Variants in LRRC7 observed in about 807,000 individuals in gnomAD.
LRRC7 encodes the protein leucine rich repeat containing 7, also known as leucine-rich repeat-containing protein 7.
Under a neutral mutation model 175.7 loss-of-function variants are expected in LRRC7, and 23 were observed. The observed-to-expected ratio is 0.13, with a 90% CI of 0.09 to 0.19. LRRC7 has a LOEUF of 0.19. Ranked by LOEUF, LRRC7 falls within the 10% of genes least tolerant of loss-of-function variation. The pLI is 1.00. For missense variants in LRRC7, 1,354 were observed against 1,904.7 expected, an observed-to-expected ratio of 0.71 and a Z score of 5.38; for synonymous variants, 685 against 680.9, an observed-to-expected ratio of 1.01 and a Z score of -0.09.
chr1:70,056,675 G>C (rs938472478), intron 23 of LRRC7, among the ~76,000 whole-genome samples: 1 of 152,106 alleles, frequency 6.6e-6, no homozygotes, highest in South Asian at 2.1e-4. Context: ...CTTTCAACAA[G>C]CCTCATCTTA....
At chr1:69,742,161 T>A (rs182813309) in intron 2 of LRRC7, among the ~76,000 whole-genome samples, 223 of 152,142 alleles carry the variant, frequency 1.5e-3, no homozygotes, top group African/African-American at 4.6e-3. Flanking sequence ...AGTGAGTACA[T>A]GAAATAATTG....
At chr1:70,002,587 T>C (rs1376573295) in intron 11 of LRRC7, among the ~76,000 whole-genome samples, 1 of 152,182 alleles carries the variant, frequency 6.6e-6, no homozygotes, top group Non-Finnish European at 1.5e-5. Flanking sequence ...ATTTCCTTCA[T>C]TGTGCCAAGA....
intron 1 of LRRC7, among the ~76,000 whole-genome samples, chr1:69,652,947 C>T (rs887192750): frequency 6.6e-6 from 1 of 151,572 alleles, no homozygotes; most frequent in Non-Finnish European, 1.5e-5. Context: ...AAAATCAACT[C>T]AAAATGGATT....
At chr1:69,867,521 G>A (rs1685075641) in intron 7 of LRRC7, among the ~76,000 whole-genome samples, 2 of 152,246 alleles carry the variant, frequency 1.3e-5, no homozygotes, top group South Asian at 2.1e-4. Flanking sequence ...CAAGGGTAAC[G>A]AACAGTTATG....
chr1:69,811,688 C>T lies in LRRC7; in HGVS notation c.422-14060C>T, dbSNP rs186585027. On this transcript the variant is annotated intron_variant, in intron 4 of 26. Coordinates refer to ENST00000651989, the MANE Select transcript of LRRC7 (RefSeq NM_001370785.2). ...CACTGGAACAGAAAATCAAACACCG[C>T]ATATTCTCACTCATAAGTGGGAGTT... Among the ~76,000 whole-genome samples, 752 of 152,168 alleles carry T rather than the reference C, an allele frequency of 4.9e-3. 7 individuals carry two copies. The highest frequency in any genetic ancestry group is 0.018 in the African/African-American group (732 of 41,520).
chr1:69,756,952 C>T (rs1266114804), intron 2 of LRRC7, among the ~76,000 whole-genome samples: 1 of 151,794 alleles, frequency 6.6e-6, no homozygotes, highest in Non-Finnish European at 1.5e-5. Context: ...AGTAGCACTA[C>T]AATCAAGTTG....
At chr1:70,116,285 C>T (rs1411448878) in intron 26 of LRRC7, among the ~76,000 whole-genome samples, 3 of 152,148 alleles carry the variant, frequency 2.0e-5, no homozygotes, top group Admixed American at 6.5e-5. Context: ...CGGTGGCTCA[C>T]GCCTGTAATC....
rs181134376 is a variant in LRRC7 at position 70,141,528 on chromosome 1, A to G, written c.*19641A>G. The G allele has an allele frequency of 3.3e-5, 5 of 152,194 alleles. No individual in the cohort carries two copies. Among genetic ancestry groups the G allele is most frequent in the African/African-American group, 1.2e-4 (5 of 41,552 alleles). The allele number at this position is 152,194 out of a possible 1,614,324, so 9.4% of individuals were successfully genotyped here. On this transcript the variant is annotated 3_prime_UTR_variant, in exon 27 of 27. Transcript: ENST00000651989. ...AACTGTTTGTCAGAAATTAAACAGG[A>G]CTTATTTGAATGTGCTTTAAAAAAA...
At chr1:69,806,198 A>G (rs1677096880) in intron 4 of LRRC7, among the ~76,000 whole-genome samples, 1 of 151,910 alleles carries the variant, frequency 6.6e-6, no homozygotes, top group Non-Finnish European at 1.5e-5. Context: ...TAAAGTGGTA[A>G]ATTGATAAGG....
chr1:69,568,591 T>C lies in LRRC7; in HGVS notation c.-49T>C, dbSNP rs1646415913. 2 of 1,348,618 alleles carry C rather than the reference T, an allele frequency of 1.5e-6. No individual in the cohort carries two copies. The highest frequency in any genetic ancestry group is 2.0e-6 in the Non-Finnish European group (2 of 1,014,470). The allele number at this position is 1,348,618 out of a possible 1,614,324, so 83.5% of individuals were successfully genotyped here. On this transcript the variant is annotated 5_prime_UTR_variant, in exon 1 of 27. Transcript: ENST00000651989. ...CACTTAAGGAATAACCCTTGGCAGCTGCACGACTACGCTCTCCGAAACCTC... is the reference window on the plus strand; with the variant it reads ...CACTTAAGGAATAACCCTTGGCAGCCGCACGACTACGCTCTCCGAAACCTC...
rs184849899 is a variant in LRRC7 at position 69,858,548 on chromosome 1, C to T, written c.647+20265C>T. 1.5e-4 allele frequency among the ~76,000 whole-genome samples: 23 copies of T among 151,764 alleles called. No individual in the cohort carries two copies. The East Asian group carries it at 3.5e-3, about 23-fold the overall frequency. On this transcript the variant is annotated intron_variant, in intron 7 of 26. Transcript: ENST00000651989. The stretch of plus-strand genomic sequence containing the variant: ...TCTTTCTCTTTTTCCTTTCTTGTTT[C>T]GCTTTTTCCTTTCATCCTTTGAGTT...
At chr1:69,681,148 G>A (rs1660436690) in intron 2 of LRRC7, among the ~76,000 whole-genome samples, 1 of 152,112 alleles carries the variant, frequency 6.6e-6, no homozygotes, top group African/African-American at 2.4e-5. Context: ...AGCAATGTTA[G>A]ATGGTCATTC....
chr1:69,792,457 C>A (rs1015943506), intron 4 of LRRC7, among the ~76,000 whole-genome samples: 5 of 152,014 alleles, frequency 3.3e-5, no homozygotes, highest in Non-Finnish European at 7.4e-5. Flanking sequence ...CTCTCATTCT[C>A]AGAGTAACAT....
chr1:70,076,446 A>T lies in LRRC7; in HGVS notation c.4452+148A>T, dbSNP rs900465937. On this transcript the variant is annotated intron_variant, in intron 24 of 26. Transcript: ENST00000651989. ...GGGCCCTCTTTGTGGGGATTTTATC[A>T]TTCTTTCCAGTGGTTAAGGACTACA... The T allele has an allele frequency of 4.3e-6, 3 of 691,028 alleles. No homozygotes were observed. The African/African-American group carries it at 5.4e-5, about 12-fold the overall frequency. The allele number at this position is 691,028 out of a possible 1,614,324, so 42.8% of individuals were successfully genotyped here.
chr1:69,582,434 G>A (rs1414916962), intron 1 of LRRC7, among the ~76,000 whole-genome samples: 1 of 150,564 alleles, frequency 6.6e-6, no homozygotes, highest in African/African-American at 2.4e-5. Context: ...TCTCAGATGT[G>A]CTGTTTTCCT....
At chr1:69,672,002 A>G (rs1215274034) in intron 1 of LRRC7, among the ~76,000 whole-genome samples, 4 of 152,150 alleles carry the variant, frequency 2.6e-5, no homozygotes, top group African/African-American at 7.2e-5. Context: ...TTATGAAGGC[A>G]CTTTAAAAAA....
intron 7 of LRRC7, among the ~76,000 whole-genome samples, chr1:69,908,372 T>A (rs1337583533): frequency 1.3e-5 from 2 of 151,922 alleles, no homozygotes; most frequent in African/African-American, 4.8e-5. Flanking sequence ...CAATTTTGGA[T>A]CTTTCCTGCT....
At chr1:69,677,670 T>C (rs982891521) in intron 1 of LRRC7, among the ~76,000 whole-genome samples, 2 of 152,136 alleles carry the variant, frequency 1.3e-5, no homozygotes, top group Non-Finnish European at 2.9e-5. Context: ...GTGAAAGATA[T>C]GCTTTTTCTT....
At chr1:69,979,429 T>G (rs1653186711) in intron 8 of LRRC7, among the ~76,000 whole-genome samples, 4 of 152,222 alleles carry the variant, frequency 2.6e-5, no homozygotes, top group African/African-American at 7.2e-5. Context: ...AGCATCTAGT[T>G]AGAGAAAGAA....
Sources: gnomAD v4.1 joint callset for allele counts (sites outside exome capture counted in the v4.1 genomes callset) on GRCh38, gnomAD v4.1.1 for gene constraint, MANE v1.5 for transcripts, NCBI Gene and HGNC (gene_info 2026-07-23, HGNC 2026-07-21) for gene names.